Variants in ANO4 observed in about 807,000 individuals in gnomAD.
ANO4 encodes the protein anoctamin 4, also known as anoctamin-4.
Under a neutral mutation model 141.9 loss-of-function variants are expected in ANO4, and 69 were observed. The observed-to-expected ratio is 0.49, with a 90% confidence interval of 0.40 to 0.59. The LOEUF is 0.59. Ranked by LOEUF, ANO4 falls within the 20% of genes least tolerant of loss-of-function variation. The pLI, the probability that ANO4 is intolerant of heterozygous loss-of-function variation, is 0.00. For missense variants in ANO4, 894 were observed against 1,162.2 expected (o/e 0.77, Z 3.36); for synonymous variants, 350 against 394.3 (o/e 0.89, Z 1.33).
intron 5 of ANO4, among the ~76,000 whole-genome samples, chr12:100,951,992 G>GT (rs2042987832): frequency 1.3e-5 from 2 of 152,296 alleles, no homozygotes; most frequent in South Asian, 4.1e-4. Context: ...ATGTCCTGGT[G>GT]TGGGGGGAGG....
chr12:100,756,185 TAGTA>T (rs1291084824), intron 3 of ANO4, among the ~76,000 whole-genome samples: 1 of 152,162 alleles, frequency 6.6e-6, no homozygotes, highest in African/African-American at 2.4e-5. Flanking sequence ...AATTACAACA[TAGTA>T]AGGGCTGTTA....
chr12:101,072,894 G>C (rs1304774730), intron 14 of ANO4, among the ~76,000 whole-genome samples: 2 of 152,132 alleles, frequency 1.3e-5, no homozygotes, highest in Admixed American at 1.3e-4. Context: ...ATATCATCTT[G>C]CACCAGTTAG....
At chr12:101,114,734 C>T (rs1049317036) in intron 24 of ANO4, among the ~76,000 whole-genome samples, 1 of 152,058 alleles carries the variant, frequency 6.6e-6, no homozygotes, top group Non-Finnish European at 1.5e-5. Flanking sequence ...TCTGCTAAAA[C>T]TTACTCCCTC....
intron 26 of ANO4, among the ~76,000 whole-genome samples, chr12:101,121,849 G>C (rs2051110177): frequency 1.4e-5 from 2 of 143,972 alleles, no homozygotes; most frequent in Admixed American, 1.5e-4. Context: ...TGCAACCTCT[G>C]CCTCCCAGGT....
chr12:101,047,312 G>C (rs1477702778), intron 13 of ANO4, among the ~76,000 whole-genome samples: 5 of 152,022 alleles, frequency 3.3e-5, no homozygotes, highest in Admixed American at 2.6e-4. Flanking sequence ...GTCAAATACC[G>C]CTAGAACCTT....
Position 100,948,563 on chromosome 12 carries a change from C to A in ANO4, c.456+6028C>A, listed in dbSNP as rs137954638. Among the ~76,000 whole-genome samples, 1,373 of 152,070 alleles carry A rather than the reference C, an allele frequency of 9.0e-3. 9 individuals are homozygous for A. Among genetic ancestry groups the A allele is most frequent in the Non-Finnish European group, 0.016 (1,056 of 67,978 alleles). On this transcript the variant is annotated intron_variant, in intron 5 of 27. Coordinates refer to ENST00000392977, the MANE Select transcript of ANO4 (RefSeq NM_001286615.2). ...TTATGGCAAGTGATATTTGTTTTCC[C>A]TTTATGACTGATATAAAAGCTTTTT...
At position 100,749,846 on chromosome 12, in the gene ANO4, C is replaced by T. The variant is rs545783939; in HGVS notation, c.358+9741C>T. 5.3e-5 allele frequency among the ~76,000 whole-genome samples: 8 copies of T among 152,242 alleles called. No individual in the cohort carries two copies. The East Asian group carries it at 1.4e-3, about 26-fold the overall frequency. On this transcript the variant is annotated intron_variant, in intron 3 of 29. Transcript: ENST00000644049. ...TGTGGTCCACAAGAGCTAAGAGAGC[C>T]TGAGTTTGGATTTAAAAATATCGTC...
chr12:100,908,318 C>T (rs955801374), intron 2 of ANO4, among the ~76,000 whole-genome samples: 7 of 152,310 alleles, frequency 4.6e-5, no homozygotes, highest in Non-Finnish European at 1.0e-4. Flanking sequence ...CGCTGCACTG[C>T]AGCCTGGGCA....
At chr12:101,081,819 C>T (rs1321822912) in intron 15 of ANO4, among the ~76,000 whole-genome samples, 2 of 152,140 alleles carry the variant, frequency 1.3e-5, no homozygotes, top group African/African-American at 2.4e-5. Flanking sequence ...TGGCCATCTT[C>T]TCCCTGTGTC....
intron 14 of ANO4, among the ~76,000 whole-genome samples, chr12:101,051,340 GT>G (rs922199344): frequency 6.6e-6 from 1 of 152,168 alleles, no homozygotes; most frequent in African/African-American, 2.4e-5. Context: ...TCTGATGGAT[GT>G]TTTATAATAA....
chr12:100,762,384 G>T (rs1312141099), intron 3 of ANO4, among the ~76,000 whole-genome samples: 1 of 152,162 alleles, frequency 6.6e-6, no homozygotes, highest in African/African-American at 2.4e-5. Context: ...CACAATTTGA[G>T]CCAATAGAGC....
rs2043925970 is a variant in ANO4, at chr12:100,971,309, T to A, written c.460T>A (p.Ser154Thr). Residue 154 changes from serine to threonine, a missense_variant, in exon 6 of 28, where the codon TCT becomes ACT. Coordinates refer to ENST00000392977, the MANE Select transcript of ANO4 (RefSeq NM_001286615.2). ...AEGLQMEKES[S>T]LINSDIIFVK... ...TAGTTTCTTTTTTCTGTTTCAGTCC[T>A]CTCTAATAAATAGTGACATTATCTT... 2 of 1,603,438 alleles carry A rather than the reference T, an allele frequency of 1.2e-6. No homozygotes were observed. Among genetic ancestry groups the A allele is most frequent in the African/African-American group, 2.7e-5 (2 of 74,734 alleles).
At chr12:100,781,764 A>T (rs1255072030) in intron 3 of ANO4, among the ~76,000 whole-genome samples, 1 of 152,214 alleles carries the variant, frequency 6.6e-6, no homozygotes, top group Non-Finnish European at 1.5e-5. Context: ...TGTTTTGAAG[A>T]CTAATAAAAA....
chr12:100,918,297 A>G (rs2136089755), intron 2 of ANO4, among the ~76,000 whole-genome samples: 1 of 152,352 alleles, frequency 6.6e-6, no homozygotes, highest in East Asian at 1.9e-4. Context: ...ACTGCACTCC[A>G]GCCTAGGTGG....
chr12:100,891,660 A>T (rs961152356), intron 1 of ANO4, among the ~76,000 whole-genome samples: 6 of 152,170 alleles, frequency 3.9e-5, no homozygotes, highest in Admixed American at 3.9e-4. Flanking sequence ...GTATATGTTT[A>T]TCATTTATAA....
chr12:101,101,261 T>A (rs962176441), intron 22 of ANO4, among the ~76,000 whole-genome samples: 1 of 152,222 alleles, frequency 6.6e-6, no homozygotes, highest in African/African-American at 2.4e-5. Flanking sequence ...TTTGTTATTC[T>A]CCATTTAAAT....
chr12:101,101,945 G>A (rs1227024470), intron 22 of ANO4, among the ~76,000 whole-genome samples: 1 of 152,184 alleles, frequency 6.6e-6, no homozygotes, highest in East Asian at 1.9e-4. Flanking sequence ...TTAGCTGGGC[G>A]CAGTGGCAGG....
chr12:100,737,495 T>C (rs1456644320), intron 2 of ANO4, among the ~76,000 whole-genome samples: 1 of 152,178 alleles, frequency 6.6e-6, no homozygotes, highest in Non-Finnish European at 1.5e-5. Flanking sequence ...TCTTTGGCCC[T>C]ATCAGGCCCA....
chr12:100,968,462 CTA>C (rs529657667), intron 5 of ANO4, among the ~76,000 whole-genome samples: 2 of 152,084 alleles, frequency 1.3e-5, no homozygotes, highest in Non-Finnish European at 2.9e-5. Flanking sequence ...TTCAGTGACT[CTA>C]TCACATTTCC....
Sources: allele counts gnomAD v4.1 joint callset (sites outside exome capture counted in the v4.1 genomes callset), GRCh38; gene constraint gnomAD v4.1.1; transcripts MANE v1.5; gene names NCBI Gene and HGNC (gene_info 2026-07-23, HGNC 2026-07-21).